CZIB: variants seen among roughly 807,000 people sequenced by gnomAD.
The protein encoded by CZIB is CXXC motif containing zinc binding protein.
CZIB carries 26 observed loss-of-function variants against 28.3 expected under a neutral mutation model. That is an observed-to-expected ratio of 0.92 (90% confidence interval 0.67 to 1.27). The LOEUF is 1.27. Among genes scored for constraint, CZIB ranks in the 50% most tolerant of loss-of-function variants. CZIB has a pLI of 0.00. For synonymous variants in CZIB, 78 were observed against 71.1 expected, an observed-to-expected ratio of 1.10 and a Z score of -0.49; for missense variants, 179 against 197.3, an observed-to-expected ratio of 0.91 and a Z score of 0.56.
Position 53,215,867 on chromosome 1 carries a change from G to A in CZIB, c.405+124C>T, listed in dbSNP as rs573392770. 6.2e-6 allele frequency: 6 copies of A among 966,172 alleles called. No homozygotes were observed. In the African/African-American group the frequency reaches 8.0e-5, roughly 13 times the overall value. The allele number at this position is 966,172 out of a possible 1,614,324, so 59.8% of individuals were successfully genotyped here. Reference sequence around the variant, plus strand: ...CACTATACCTGTGGCCATTTCAACAGCAAAATCACTAACAAAAAGCACAAA... The same window carrying A: ...CACTATACCTGTGGCCATTTCAACAACAAAATCACTAACAAAAAGCACAAA... On this transcript the variant is annotated intron_variant, in intron 7 of 7. Transcript: ENST00000294360.
At chr1:53,216,413 T>C (rs1040178663) in intron 6 of CZIB, among the ~76,000 whole-genome samples, 3 of 152,200 alleles carry the variant, frequency 2.0e-5, no homozygotes, top group Non-Finnish European at 4.4e-5. Context: ...CACAGATTTG[T>C]TGTGAGGTGA....
rs965699932 is a variant in CZIB, at chr1:53,215,992, T to G, written c.404A>C (p.Lys135Thr). The G allele has an allele frequency of 1.2e-6, 2 of 1,613,914 alleles. No homozygotes were observed. The highest frequency in any genetic ancestry group is 1.7e-6 in the Non-Finnish European group (2 of 1,179,902). ...TAFSDINLQEKDWTDYDEKAQ... is the reference protein window; with the variant it reads ...TAFSDINLQETDWTDYDEKAQ... ...TCCCAAAGCCCCCAAGTCTCATACC[T>G]TCTCCTGCAGATTAATGTCACTGAA... is the stretch of plus-strand genomic sequence containing the variant. Residue 135 changes from lysine (K) to threonine (T), a missense_variant and splice_region_variant, in exon 7 of 8, where the codon AAG becomes ACG. Physicochemically the swap from Lys to Thr is moderately conservative, Grantham distance 78. Coordinates refer to ENST00000294360, the MANE Select transcript of CZIB (RefSeq NM_017887.3).
At chr1:53,220,376 C>A (rs1239412896) in intron 1 of CZIB, 32 bp from the exon 2 acceptor site, 2 of 1,606,244 alleles carry the variant, frequency 1.2e-6, no homozygotes, top group South Asian at 2.2e-5. Flanking sequence ...ACTGCGTCAG[C>A]CGTGCCTGCG....
At position 53,214,399 on chromosome 1, in the gene CZIB, G is replaced by C; in HGVS notation, c.*260C>G. The C allele has an allele frequency of 2.2e-6, 1 of 457,812 alleles. No individual in the cohort carries two copies. The highest frequency in any genetic ancestry group is 3.4e-5 in the East Asian group (1 of 29,286). The allele number at this position is 457,812 out of a possible 1,614,324, so 28.4% of individuals were successfully genotyped here. ...TAAAAATACTCTTCATTTTCCTAAG[G>C]AGTGAACTGCTGCTGCACGAATTCT... On this transcript the variant is annotated 3_prime_UTR_variant, in exon 8 of 8. Coordinates refer to ENST00000294360, the MANE Select transcript of CZIB (RefSeq NM_017887.3).
intron 5 of CZIB, 113 bp from the exon 6 acceptor site, chr1:53,216,972 G>GTTCTTCCTGGGTCTCATACT: frequency 1.1e-6 from 1 of 883,286 alleles, no homozygotes; most frequent in Non-Finnish European, 1.9e-6. Flanking sequence ...CCTAGTATGA[G>GTTCTTCCTGGGTCTCATACT]ACCCAGGAAG....
In CZIB at chr1:53,218,019, G is replaced by A. The variant is rs192850331; in HGVS notation, c.261+153C>T. The A allele has an allele frequency of 1.2e-3, 955 of 807,174 alleles. 3 individuals carry two copies. The highest frequency in any genetic ancestry group is 1.1e-3 in the Non-Finnish European group (529 of 500,900). The allele number at this position is 807,174 out of a possible 1,614,324, so 50.0% of individuals were successfully genotyped here. On this transcript the variant is annotated intron_variant, in intron 5 of 7. Transcript: ENST00000294360. ...CAATATACCAAGCACTCAGTGTACA[G>A]TGGATAAATGACTGAGTCAAAGAAG... is the stretch of plus-strand genomic sequence containing the variant.
At position 53,218,173 on chromosome 1, in the gene CZIB, T is replaced by C. The variant is rs757561191; in HGVS notation, c.260A>G (p.Asn87Ser). The C allele has an allele frequency of 3.4e-5, 55 of 1,613,954 alleles. No individual in the cohort carries two copies. In the South Asian group the frequency reaches 5.2e-4, roughly 15 times the overall value. Residue 87 changes from asparagine to serine, a missense_variant and splice_region_variant, in exon 5 of 8, where the codon AAT becomes AGT. By Grantham distance (46) the Asn-to-Ser change is conservative (BLOSUM62 1). Transcript: ENST00000294360. ...EILSSTIKPY[N>S]AEDNENFKTI... ...CTGCCACTACAGCAGCAAACTTACA[T>C]TGTAAGGCTTGATGGTGCTGCTTAA...
chr1:53,218,358 G>A (rs1398722788), intron 4 of CZIB, 56 bp downstream of exon 4: 1 of 1,599,384 alleles, frequency 6.3e-7, no homozygotes, highest in Non-Finnish European at 8.6e-7. Flanking sequence ...TTTCAGCCTG[G>A]TGCCAGGAAG....
Position 53,218,452 on chromosome 1 carries a change from A to G in CZIB, c.191T>C (p.Val64Ala). 6.2e-7 allele frequency: 1 copy of G among 1,614,176 alleles called. No individual in the cohort carries two copies. The highest frequency in any genetic ancestry group is 8.5e-7 in the Non-Finnish European group (1 of 1,180,010). Residue 64 changes from valine to alanine, a missense_variant, in exon 4 of 8, where the codon GTC becomes GCC. Transcript: ENST00000294360. ...TCTTGCACACAGCTTGCACTTCTGGACCATGGAAGCACTGCCACGGCCCCC... is the reference window on the plus strand; with the variant it reads ...TCTTGCACACAGCTTGCACTTCTGGGCCATGGAAGCACTGCCACGGCCCCC... ...LKGGRGSASM[V>A]QKCKLCAREN...
intron 2 of CZIB, 130 bp from the exon 3 acceptor site, chr1:53,219,053 C>T (rs1027716168): frequency 2.6e-6 from 2 of 765,156 alleles, no homozygotes; most frequent in African/African-American, 3.4e-5. Context: ...TCATCCCTAA[C>T]ACCTGCCCCA....
chr1:53,216,818 C>T lies in CZIB; in HGVS notation c.303G>A (p.Glu101=). 4 of 1,614,238 alleles carry T rather than the reference C, an allele frequency of 2.5e-6. No homozygotes were observed. The highest frequency in any genetic ancestry group is 1.6e-4 in the Middle Eastern group (1 of 6,062). The change falls in exon 6 of 8, where the codon GAG becomes GAA. Residue 101 remains glutamate, a synonymous_variant. Coordinates refer to ENST00000294360, the MANE Select transcript of CZIB (RefSeq NM_017887.3). ...AATCAACTGGTTCAAGGCCCCGGCA[C>T]TCAAACTCCACTATTGTCTTGAAGT... is the stretch of plus-strand genomic sequence containing the variant. ...NENFKTIVEF[E]CRGLEPVDFQ... is the part of the protein sequence containing the mutation.
rs576000046 is a variant in CZIB, at chr1:53,218,851, G to A, written c.147+16C>T. ...TTGTGAGTGTTTATGTTGGGGGTTG[G>A]GCGGGGAACAGTTACCATCAGCCGG... On this transcript the variant is annotated intron_variant, in intron 3 of 7. Transcript: ENST00000294360. 1.9e-6 allele frequency: 3 copies of A among 1,607,496 alleles called. No homozygotes were observed. Among genetic ancestry groups the A allele is most frequent in the African/African-American group, 1.3e-5 (1 of 74,662 alleles).
In CZIB at chr1:53,220,623, C is replaced by G; in HGVS notation, c.-48G>C. 6.3e-7 allele frequency: 1 copy of G among 1,589,688 alleles called. No homozygotes were observed. Among genetic ancestry groups the G allele is most frequent in the Non-Finnish European group, 8.5e-7 (1 of 1,175,028 alleles). On this transcript the variant is annotated 5_prime_UTR_variant, in exon 1 of 8. Coordinates refer to ENST00000294360, the MANE Select transcript of CZIB (RefSeq NM_017887.3). ...TGGCTGCGGCCCTTGCCGTTGCTTT[C>G]CGGCGCGTCGTAAAAGGCGGGTGCC...
At chr1:53,214,820 G>A (rs1425343045) in intron 7 of CZIB, 84 bp from the exon 8 acceptor site, 5 of 1,106,080 alleles carry the variant, frequency 4.5e-6, no homozygotes, top group Admixed American at 1.9e-5. Flanking sequence ...AAAAGGCCCA[G>A]CTCAGGCTCT....
intron 7 of CZIB, among the ~76,000 whole-genome samples, chr1:53,215,346 CATAAA>C (rs1034334905): frequency 2.6e-5 from 4 of 152,240 alleles, no homozygotes; most frequent in Admixed American, 6.5e-5. Context: ...TCAAAAAATA[CATAAA>C]ATAAAATAAA....
chr1:53,215,902 T>G, intron 7 of CZIB, 89 bp downstream of exon 7: 1 of 1,333,966 alleles, frequency 7.5e-7, no homozygotes, highest in Non-Finnish European at 1.1e-6. Flanking sequence ...AAATACAGAG[T>G]TGGCTTTCCA....
rs200242077 is a variant in CZIB, at chr1:53,219,478, G to GA, written c.91-556dup. ...ATATGTACAATTCTGTGTCAATTAA[G>GA]AAAAAAAAAGAGAAATGGCCTCAGC... On this transcript the variant is annotated intron_variant, in intron 2 of 7. Transcript: ENST00000294360. 5.3e-3 allele frequency: 807 copies of GA among 152,156 alleles called. 9 individuals are homozygous for GA. The highest frequency in any genetic ancestry group is 0.018 in the African/African-American group (756 of 41,072). The allele number at this position is 152,156 out of a possible 1,614,324, so 9.4% of individuals were successfully genotyped here.
chr1:53,220,236 TC>T, intron 2 of CZIB, 24 bp downstream of exon 2: 2 of 1,605,940 alleles, frequency 1.2e-6, no homozygotes, highest in Non-Finnish European at 1.7e-6. Flanking sequence ...GGGCCTCCTC[TC>T]CCCGGGCCCC....
intron 2 of CZIB, chr1:53,219,319 T>C (rs544046388): frequency 1.0e-4 from 23 of 227,348 alleles, no homozygotes; most frequent in African/African-American, 3.4e-4. Context: ...GACAATAATA[T>C]ATAGTTTCAA....
Sources: gnomAD v4.1 joint callset for allele counts (sites outside exome capture counted in the v4.1 genomes callset) on GRCh38, gnomAD v4.1.1 for gene constraint, MANE v1.5 for transcripts, NCBI Gene and HGNC (gene_info 2026-07-23, HGNC 2026-07-21) for gene names.